HTR4: variants seen among roughly 807,000 people sequenced by gnomAD.
HTR4 encodes 5-hydroxytryptamine receptor 4, also known as 5-hydroxytryptamine (serotonin) receptor 4, G protein-coupled.
HTR4 carries 16 observed loss-of-function variants against 36.8 expected under a neutral mutation model. The observed-to-expected ratio is 0.43, with a 90% CI of 0.29 to 0.66. The LOEUF (loss-of-function observed/expected upper bound fraction) is 0.66. Ranked by LOEUF, HTR4 falls within the 30% of genes least tolerant of loss-of-function variation. The probability of loss-of-function intolerance (pLI) is 0.13; values close to 1 mark genes in which losing one functional copy is unlikely to be tolerated. For missense variants in HTR4, 438 were observed against 490.9 expected, an observed-to-expected ratio of 0.89 and a Z score of 1.02; for synonymous variants, 189 against 185.1, an observed-to-expected ratio of 1.02 and a Z score of -0.17.
downstream of HTR4, among the ~76,000 whole-genome samples, chr5:148,471,920 G>A (rs1168469227): frequency 6.6e-6 from 1 of 152,144 alleles, no homozygotes; most frequent in African/African-American, 2.4e-5. Flanking sequence ...TACCTTTGAT[G>A]AGAAAAAGGG....
At chr5:148,592,460 C>G (rs1284589308) in intron 2 of HTR4, among the ~76,000 whole-genome samples, 3 of 151,772 alleles carry the variant, frequency 2.0e-5, no homozygotes, top group African/African-American at 7.3e-5. Flanking sequence ...TCTCAGCTCT[C>G]TAAGGATAAA....
chr5:148,640,847 T>C lies in HTR4; in HGVS notation c.-47-3786A>G, dbSNP rs183019325. Among the ~76,000 whole-genome samples the C allele has an allele frequency of 3.6e-3, 545 of 152,318 alleles. 4 individuals carry two copies. The highest frequency in any genetic ancestry group is 8.3e-3 in the Admixed American group (127 of 15,296). On this transcript the variant is annotated intron_variant, in intron 1 of 6. Coordinates refer to ENST00000377888, the MANE Select transcript of HTR4 (RefSeq NM_000870.7). Reference sequence around the variant, plus strand: ...GTATCATTAAAACTGCATGTGAAAATGTTACAACACAAGGAAAATCTTGTA... The same window carrying C: ...GTATCATTAAAACTGCATGTGAAAACGTTACAACACAAGGAAAATCTTGTA...
chr5:148,505,516 T>C (rs1466366152), intron 6 of HTR4, among the ~76,000 whole-genome samples: 2 of 152,174 alleles, frequency 1.3e-5, no homozygotes, highest in Non-Finnish European at 2.9e-5. Context: ...TTGGAAGTTC[T>C]GGCCAGGGCA....
chr5:148,548,889 G>A, intron 3 of HTR4, 21 bp from the exon 4 acceptor site: 3 of 1,587,742 alleles, frequency 1.9e-6, no homozygotes, highest in African/African-American at 1.3e-5. Flanking sequence ...AAAAGTGTAA[G>A]AGAGGAGGCA....
chr5:148,651,927 T>A (rs537853941), intron 1 of HTR4, among the ~76,000 whole-genome samples: 2 of 152,124 alleles, frequency 1.3e-5, no homozygotes, highest in Non-Finnish European at 2.9e-5. Context: ...CCCTTGGAAA[T>A]GATCTAGTGG....
At chr5:148,462,381 C>A (rs545489355) in intron 5 of HTR4, among the ~76,000 whole-genome samples, 1 of 152,102 alleles carries the variant, frequency 6.6e-6, no homozygotes, top group Non-Finnish European at 1.5e-5. Context: ...CAAGAATAAT[C>A]AAGTACTACA....
intron 2 of HTR4, among the ~76,000 whole-genome samples, chr5:148,561,708 A>G (rs1286129467): frequency 6.6e-6 from 1 of 152,016 alleles, no homozygotes; most frequent in Non-Finnish European, 1.5e-5. Flanking sequence ...AACACATGAC[A>G]TGTTTTCAAT....
chr5:148,636,389 A>G (rs1211955032), intron 2 of HTR4, among the ~76,000 whole-genome samples: 2 of 152,202 alleles, frequency 1.3e-5, no homozygotes, highest in Non-Finnish European at 2.9e-5. Flanking sequence ...CTTATTGAAT[A>G]CACTTTTCTT....
At chr5:148,571,150 T>A (rs1760658785) in intron 2 of HTR4, among the ~76,000 whole-genome samples, 1 of 152,070 alleles carries the variant, frequency 6.6e-6, no homozygotes, top group Admixed American at 6.6e-5. Context: ...AAGTGAAAAA[T>A]TTGTTTGTAA....
intron 5 of HTR4, 149 bp from the exon 6 acceptor site, chr5:148,510,173 G>A: frequency 3.4e-6 from 2 of 586,960 alleles, no homozygotes; most frequent in South Asian, 2.3e-5. Flanking sequence ...AGAAGGGGAA[G>A]AGAACAAGGA....
intron 5 of HTR4, among the ~76,000 whole-genome samples, chr5:148,510,417 G>T (rs1227328078): frequency 6.6e-6 from 1 of 152,138 alleles, no homozygotes; most frequent in African/African-American, 2.4e-5. Flanking sequence ...AACCAGAAGT[G>T]AAATTCTGCC....
chr5:148,603,733 ATAAT>A (rs1257371839), intron 2 of HTR4, among the ~76,000 whole-genome samples: 12 of 152,174 alleles, frequency 7.9e-5, no homozygotes, highest in Non-Finnish European at 1.5e-4. Flanking sequence ...ACATCAACAA[ATAAT>A]TAGTAAGTTA....
chr5:148,478,594 G>A (rs1413571571), downstream of HTR4, among the ~76,000 whole-genome samples: 2 of 152,100 alleles, frequency 1.3e-5, no homozygotes, highest in East Asian at 1.9e-4. Flanking sequence ...CAGCACAGAG[G>A]GTATTCCCTG....
chr5:148,565,343 G>C (rs1760389868), intron 2 of HTR4, among the ~76,000 whole-genome samples: 1 of 152,026 alleles, frequency 6.6e-6, no homozygotes, highest in Non-Finnish European at 1.5e-5. Flanking sequence ...TCAACAGCTG[G>C]GGGCTGTTGA....
At chr5:148,562,055 C>T (rs976254398) in intron 2 of HTR4, among the ~76,000 whole-genome samples, 1 of 152,192 alleles carries the variant, frequency 6.6e-6, no homozygotes, top group Non-Finnish European at 1.5e-5. Flanking sequence ...GATGAAACAG[C>T]TCAATTTTAT....
chr5:148,515,104 T>C (rs950071448), intron 5 of HTR4, among the ~76,000 whole-genome samples: 1 of 152,162 alleles, frequency 6.6e-6, no homozygotes, highest in Non-Finnish European at 1.5e-5. Flanking sequence ...GTTCCTTGTT[T>C]CCATATTTAT....
chr5:148,465,766 A>G, intron 5 of HTR4: 1 of 1,533,216 alleles, frequency 6.5e-7, no homozygotes, highest in Non-Finnish European at 8.7e-7. Context: ...GGACAGAAGT[A>G]TAAACAGACA....
At chr5:148,602,297 A>G (rs1225275709) in intron 2 of HTR4, among the ~76,000 whole-genome samples, 5 of 152,156 alleles carry the variant, frequency 3.3e-5, no homozygotes, top group African/African-American at 1.2e-4. Context: ...TTACATGTCA[A>G]TGATACCTCA....
At chr5:148,634,643 A>G (rs913634634) in intron 2 of HTR4, among the ~76,000 whole-genome samples, 1 of 152,190 alleles carries the variant, frequency 6.6e-6, no homozygotes, top group Admixed American at 6.6e-5. Flanking sequence ...TCCTCGGAGA[A>G]GTCAGCACAC....
Sources: allele counts gnomAD v4.1 joint callset (sites outside exome capture counted in the v4.1 genomes callset), GRCh38; gene constraint gnomAD v4.1.1; transcripts MANE v1.5; gene names NCBI Gene and HGNC (gene_info 2026-07-23, HGNC 2026-07-21).